COL15A1: variants seen among roughly 807,000 people sequenced by gnomAD.
COL15A1 encodes the protein collagen type XV alpha 1 chain.
Under a neutral mutation model 165.9 loss-of-function variants are expected in COL15A1, and 111 were observed. That is an observed-to-expected ratio of 0.67 (90% confidence interval 0.57 to 0.78). The LOEUF (loss-of-function observed/expected upper bound fraction) is 0.78. COL15A1 is among the 30% of genes least tolerant of loss of function. The probability of loss-of-function intolerance (pLI) is 0.00; values close to 1 mark genes in which losing one functional copy is unlikely to be tolerated. For synonymous variants in COL15A1, 659 were observed against 674.8 expected (o/e 0.98, Z 0.36); for missense variants, 1,745 against 1,789.7 (o/e 0.98, Z 0.45).
chr9:99,059,799 G>T, intron 35 of COL15A1, 90 bp from the exon 36 acceptor site: 1 of 1,440,596 alleles, frequency 6.9e-7, no homozygotes, highest in Non-Finnish European at 9.6e-7. Flanking sequence ...GAATGGGGTT[G>T]AACACACTTC....
chr9:98,969,768 C>A (rs1321310454), intron 2 of COL15A1, among the ~76,000 whole-genome samples: 1 of 152,208 alleles, frequency 6.6e-6, no homozygotes, highest in Non-Finnish European at 1.5e-5. Context: ...TGGAGAGCAG[C>A]AGAGACAGAC....
chr9:99,010,664 A>G (rs1234457910), intron 9 of COL15A1, among the ~76,000 whole-genome samples: 1 of 152,242 alleles, frequency 6.6e-6, no homozygotes, highest in Non-Finnish European at 1.5e-5. Context: ...CATGATAAAC[A>G]GTTTGCTGTT....
Position 98,965,450 on chromosome 9 carries a change from T to G in COL15A1, c.101-20115T>G, listed in dbSNP as rs76657969. 3.7e-3 allele frequency among the ~76,000 whole-genome samples: 566 copies of G among 152,292 alleles called. 4 individuals are homozygous for G. Among genetic ancestry groups the G allele is most frequent in the African/African-American group, 0.013 (537 of 41,576 alleles). On this transcript the variant is annotated intron_variant, in intron 2 of 41. Coordinates refer to ENST00000375001, the MANE Select transcript of COL15A1 (RefSeq NM_001855.5). The stretch of plus-strand genomic sequence containing the variant: ...CAGTCCCCACCCCATCAGACTGCCT[T>G]GAGGTTAGGTGAGCTAATGCACCTA...
In COL15A1 at chr9:98,985,970, A is replaced by G; in HGVS notation, c.506A>G (p.Gln169Arg). The G allele has an allele frequency of 6.2e-7, 1 of 1,614,082 alleles. No individual in the cohort carries two copies. Residue 169 changes from glutamine to arginine, a missense_variant, in exon 3 of 42, where the codon CAG becomes CGG. By Grantham distance (43) the Gln-to-Arg change is conservative (BLOSUM62 1). Transcript: ENST00000375001. ...TGGAACCGCTTCGCCATGATTGTCC[A>G]GGGTGAGGAAGTGACCCTCCTCGTG... ...HRWNRFAMIV[Q>R]GEEVTLLVNC...
chr9:98,951,807 C>T (rs1837692649), intron 2 of COL15A1, among the ~76,000 whole-genome samples: 1 of 152,204 alleles, frequency 6.6e-6, no homozygotes, highest in African/African-American at 2.4e-5. Context: ...ATTCACCCTT[C>T]TTGACCTCCC....
At chr9:98,973,175 A>T (rs1838088352) in intron 2 of COL15A1, among the ~76,000 whole-genome samples, 1 of 152,178 alleles carries the variant, frequency 6.6e-6, no homozygotes, top group Admixed American at 6.5e-5. Flanking sequence ...GGCTTCCTCA[A>T]ATCGTCTTCT....
intron 16 of COL15A1, among the ~76,000 whole-genome samples, chr9:99,032,280 C>T (rs1019334291): frequency 6.6e-6 from 1 of 152,056 alleles, no homozygotes; most frequent in Non-Finnish European, 1.5e-5. Context: ...GCAACCTCCT[C>T]CTGGGTTCAA....
Position 98,993,208 on chromosome 9 carries a change from C to A in COL15A1, c.805-3726C>A, listed in dbSNP as rs150854958. Among the ~76,000 whole-genome samples the A allele has an allele frequency of 2.1e-3, 324 of 152,302 alleles. 3 individuals carry two copies. Among genetic ancestry groups the A allele is most frequent in the African/African-American group, 7.4e-3 (306 of 41,574 alleles). On this transcript the variant is annotated intron_variant, in intron 5 of 41. Transcript: ENST00000375001. ...TGAAAATTAGACAAATTGCCCTGTG[C>A]AAAATGCTTGGACAGTGCCTGTTGT...
At chr9:98,947,866 T>C (rs1255727128) in intron 2 of COL15A1, among the ~76,000 whole-genome samples, 1 of 152,136 alleles carries the variant, frequency 6.6e-6, no homozygotes, top group Non-Finnish European at 1.5e-5. Context: ...CTTCCTGATA[T>C]CCTGCACGCC....
chr9:98,973,370 G>A (rs1838092832), intron 2 of COL15A1, among the ~76,000 whole-genome samples: 1 of 152,204 alleles, frequency 6.6e-6, no homozygotes, highest in South Asian at 2.1e-4. Context: ...TTTACATGTA[G>A]AAAAATGCTC....
In COL15A1 at chr9:98,985,969, C is replaced by T. The variant is rs1838305717; in HGVS notation, c.505C>T (p.Gln169Ter). The T allele has an allele frequency of 1.2e-6, 2 of 1,614,128 alleles. No homozygotes were observed. The highest frequency in any genetic ancestry group is 1.7e-6 in the Non-Finnish European group (2 of 1,180,020). ...HRWNRFAMIV[Q>*]GEEVTLLVNC... The stretch of plus-strand genomic sequence containing the variant: ...GTGGAACCGCTTCGCCATGATTGTC[C>T]AGGGTGAGGAAGTGACCCTCCTCGT... The change falls in exon 3 of 42, where the codon CAG (glutamine) becomes TAG (stop). Residue 169 changes from glutamine to a stop codon, truncating the protein, a stop_gained. Transcript: ENST00000375001. LOFTEE classifies it high-confidence loss of function.
chr9:98,980,249 A>G (rs2118867807), intron 2 of COL15A1, among the ~76,000 whole-genome samples: 1 of 152,174 alleles, frequency 6.6e-6, no homozygotes, highest in East Asian at 1.9e-4. Context: ...GGTTACTGGG[A>G]AGACAGATGG....
chr9:99,000,864 A>G lies in COL15A1; in HGVS notation c.978A>G (p.Thr326=), dbSNP rs1169240779. Residue 326 remains threonine, a synonymous_variant, in exon 7 of 42, where the codon ACA becomes ACG. Transcript: ENST00000375001. ...KQGSGEILND[T]LEGVHSVDGD... is the part of the protein sequence containing the mutation. ...GGTCTGGTGAGATCCTGAATGACAC[A>G]CTGGAGGGGGTTCATTCTGTGGATG... The G allele has an allele frequency of 1.3e-6, 2 of 1,592,444 alleles. No individual in the cohort carries two copies. The highest frequency in any genetic ancestry group is 1.7e-5 in the Admixed American group (1 of 59,558).
Position 99,025,912 on chromosome 9 carries a change from G to T in COL15A1, c.1989G>T (p.Glu663Asp). The change falls in exon 16 of 42, where the codon GAG becomes GAT. Residue 663 changes from glutamate to aspartate, a missense_variant. Coordinates refer to ENST00000375001, the MANE Select transcript of COL15A1 (RefSeq NM_001855.5). ...PAGEPGPPGP[E>D]GQPGVDGATG... ...TCACTGATGTTCCCCAGGGCCCTGA[G>T]GGACAGCCTGGAGTTGATGGAGCCA... The T allele has an allele frequency of 6.2e-7, 1 of 1,613,190 alleles. No individual in the cohort carries two copies.
In COL15A1 at chr9:99,044,099, T is replaced by A. The variant is rs148316471; in HGVS notation, c.2575-469T>A. Among the ~76,000 whole-genome samples, 168 of 152,248 alleles carry A rather than the reference T, an allele frequency of 1.1e-3. 2 individuals carry two copies. Among genetic ancestry groups the A allele is most frequent in the Admixed American group, 9.9e-3 (151 of 15,298 alleles). ...TTTCAGGTGTTTTAACAAGAATAAG[T>A]ATTCTTGGTGGGAACAGATCTCAGG... On this transcript the variant is annotated intron_variant, in intron 24 of 41. Coordinates refer to ENST00000375001, the MANE Select transcript of COL15A1 (RefSeq NM_001855.5).
intron 5 of COL15A1, among the ~76,000 whole-genome samples, chr9:98,991,534 C>T (rs985857341): frequency 1.3e-5 from 2 of 151,890 alleles, no homozygotes; most frequent in Non-Finnish European, 2.9e-5. Context: ...ATACAGAGTG[C>T]TGATTGGTGC....
chr9:98,985,576 C>G lies in COL15A1; in HGVS notation c.112C>G (p.Gln38Glu). ...QTRGATETAS[Q>E]GHLDLTQLIG... is the part of the protein sequence containing the mutation. The stretch of plus-strand genomic sequence containing the variant: ...CTCCCTCCCTGCAGAGACTGCTTCC[C>G]AGGGTCACCTGGACCTCACGCAGCT... Residue 38 changes from glutamine to glutamate, a missense_variant, in exon 3 of 42, where the codon CAG (glutamine) becomes GAG (glutamate). Gln to Glu is a conservative substitution (Grantham distance 29, BLOSUM62 2). Transcript: ENST00000375001. 6.2e-7 allele frequency: 1 copy of G among 1,611,984 alleles called. No homozygotes were observed.
In COL15A1 at chr9:99,022,101, G is replaced by A. The variant is rs370443025; in HGVS notation, c.1712G>A (p.Gly571Glu). The change falls in exon 13 of 42, where the codon GGG (glycine) becomes GAG (glutamate). Residue 571 changes from glycine (G) to glutamate (E), a missense_variant. By Grantham distance (98) the Gly-to-Glu change is moderately conservative (BLOSUM62 -2). Transcript: ENST00000375001. ...TTTTGTTCTCTTTAGGGTGATGCTG[G>A]GGAGGAGCTTCCTGGCCCTCCTGAA... Reference protein sequence around the residue: ...AGPKGEKGDAGEELPGPPEPS... With the variant: ...AGPKGEKGDAEEELPGPPEPS... The A allele has an allele frequency of 4.3e-6, 7 of 1,614,044 alleles. No homozygotes were observed. In the African/African-American group the frequency reaches 9.3e-5, roughly 22 times the overall value.
chr9:99,020,383 T>G lies in COL15A1; in HGVS notation c.1648-6T>G. On this transcript the variant is annotated splice_polypyrimidine_tract_variant and splice_region_variant and intron_variant, in intron 11 of 41. Transcript: ENST00000375001. ...GCCACGTTTTAACCAAATCTTCTTC[T>G]TTTAGGCTCAAAGAGAACATGTGGG... 1 of 1,612,070 alleles carries G rather than the reference T, an allele frequency of 6.2e-7. No individual in the cohort carries two copies. The highest frequency in any genetic ancestry group is 8.5e-7 in the Non-Finnish European group (1 of 1,178,156).
Sources: allele counts gnomAD v4.1 joint callset (sites outside exome capture counted in the v4.1 genomes callset), GRCh38; gene constraint gnomAD v4.1.1; transcripts MANE v1.5; gene names NCBI Gene and HGNC (gene_info 2026-07-23, HGNC 2026-07-21).